Variants in DOCK3 observed in about 807,000 individuals in gnomAD.
DOCK3 encodes the protein dedicator of cytokinesis 3, also known as dedicator of cytokinesis protein 3.
A neutral mutation model predicts 265.6 loss-of-function variants in DOCK3; 60 were observed. That is an observed-to-expected ratio of 0.23 (90% CI 0.18 to 0.28). The LOEUF is 0.28. Among genes scored for constraint, DOCK3 ranks in the 10% least tolerant of loss-of-function variants. DOCK3 has a pLI of 1.00. For missense variants in DOCK3, 1,981 were observed against 2,594.3 expected (o/e 0.76, Z 5.14); for synonymous variants, 881 against 938.0 (o/e 0.94, Z 1.11).
In DOCK3 at chr3:51,146,647, T is replaced by G. The variant is rs773125906; in HGVS notation, c.828+17T>G. 1.3e-6 allele frequency: 2 copies of G among 1,563,576 alleles called. No homozygotes were observed. The highest frequency in any genetic ancestry group is 2.7e-5 in the African/African-American group (2 of 73,836). ...CTTTTTACAGTATGTACGAATTCTCTTTTTCTTCTTTGCTGTTGACTCTAA... is the reference window on the plus strand; with the variant it reads ...CTTTTTACAGTATGTACGAATTCTCGTTTTCTTCTTTGCTGTTGACTCTAA... On this transcript the variant is annotated intron_variant, in intron 10 of 52. Coordinates refer to ENST00000266037, the MANE Select transcript of DOCK3 (RefSeq NM_004947.5).
intron 22 of DOCK3, among the ~76,000 whole-genome samples, chr3:51,252,306 G>A (rs1369715246): frequency 6.6e-6 from 1 of 152,208 alleles, no homozygotes; most frequent in East Asian, 1.9e-4. Flanking sequence ...GATGCCTCCA[G>A]CTTTGTTCTT....
chr3:50,731,730 G>T (rs2038226561), intron 1 of DOCK3, among the ~76,000 whole-genome samples: 1 of 152,034 alleles, frequency 6.6e-6, no homozygotes, highest in African/African-American at 2.4e-5. Flanking sequence ...TCTAATAAGG[G>T]CATCTCTGAA....
Position 51,205,519 on chromosome 3 carries a change from C to A in DOCK3, c.1038-3255C>A, listed in dbSNP as rs948180102. Among the ~76,000 whole-genome samples the A allele has an allele frequency of 6.6e-5, 10 of 150,712 alleles. 2 individuals carry two copies. On this transcript the variant is annotated intron_variant, in intron 12 of 52. Transcript: ENST00000266037. ...GACCAGCCTGGGCAACATGGTGAAA[C>A]CTTATCTCTACAAAAAAAAAAAAAA...
At chr3:50,764,274 G>A (rs936727747) in intron 1 of DOCK3, among the ~76,000 whole-genome samples, 9 of 151,902 alleles carry the variant, frequency 5.9e-5, no homozygotes, top group Admixed American at 4.6e-4. Context: ...TATACAATTG[G>A]CCCTTCATAC....
chr3:51,069,528 G>T (rs1376825678), intron 6 of DOCK3, among the ~76,000 whole-genome samples: 1 of 151,534 alleles, frequency 6.6e-6, no homozygotes, highest in Non-Finnish European at 1.5e-5. Context: ...TCATACATAT[G>T]TGTGTGTATA....
chr3:51,124,331 G>C (rs1201596023), intron 9 of DOCK3, among the ~76,000 whole-genome samples: 1 of 152,116 alleles, frequency 6.6e-6, no homozygotes, highest in East Asian at 1.9e-4. Flanking sequence ...TCTATATATG[G>C]GGGGCATTAT....
intron 2 of DOCK3, among the ~76,000 whole-genome samples, chr3:50,830,583 G>C (rs2045082052): frequency 6.6e-6 from 1 of 152,096 alleles, no homozygotes; most frequent in African/African-American, 2.4e-5. Flanking sequence ...TTTGCACCTG[G>C]AATCTTTGTA....
chr3:50,953,421 A>C (rs925912410), intron 5 of DOCK3, among the ~76,000 whole-genome samples: 2 of 152,122 alleles, frequency 1.3e-5, no homozygotes, highest in African/African-American at 4.8e-5. Context: ...ACCATAGAAG[A>C]CTATTGTGAA....
At chr3:51,201,092 G>C (rs1288632772) in intron 12 of DOCK3, among the ~76,000 whole-genome samples, 1 of 151,528 alleles carries the variant, frequency 6.6e-6, no homozygotes, top group South Asian at 2.1e-4. Context: ...AAAGACCATC[G>C]AGACTAGGAA....
At chr3:50,950,958 ATCTCTC>A (rs35552377) in intron 5 of DOCK3, among the ~76,000 whole-genome samples, 1 of 149,882 alleles carries the variant, frequency 6.7e-6, no homozygotes, top group Non-Finnish European at 1.5e-5. Flanking sequence ...AACGGAGGGA[ATCTCTC>A]TCTCTCTCTC....
chr3:51,240,098 CT>C (rs1265345587), intron 21 of DOCK3, among the ~76,000 whole-genome samples: 1 of 152,136 alleles, frequency 6.6e-6, no homozygotes, highest in East Asian at 1.9e-4. Flanking sequence ...ATAAATTTCC[CT>C]CTTAACAATG....
intron 9 of DOCK3, among the ~76,000 whole-genome samples, chr3:51,106,062 G>A (rs1482929312): frequency 6.6e-6 from 1 of 152,202 alleles, no homozygotes; most frequent in Non-Finnish European, 1.5e-5. Context: ...TTTGGTGTGG[G>A]AGCATCTGTA....
At chr3:51,090,453 A>C (rs1449789877) in intron 9 of DOCK3, 69 bp downstream of exon 9, 1 of 1,451,324 alleles carries the variant, frequency 6.9e-7, no homozygotes, top group Admixed American at 2.4e-5. Context: ...ATCTCTGGCC[A>C]TCAGAGAAGA....
chr3:51,109,693 TCCAGAGGTCCAGGTGGA>T (rs2083433939), intron 9 of DOCK3, among the ~76,000 whole-genome samples: 1 of 151,974 alleles, frequency 6.6e-6, no homozygotes, highest in African/African-American at 2.4e-5. Flanking sequence ...GGAGGCCAAG[TCCAGAGGTCCAGGTGGA>T]CCACTGGAAC....
chr3:50,879,864 C>G (rs1244786544), intron 3 of DOCK3, among the ~76,000 whole-genome samples: 1 of 152,106 alleles, frequency 6.6e-6, no homozygotes, highest in Non-Finnish European at 1.5e-5. Context: ...ATTCCAAAAT[C>G]AACAACATAG....
intron 4 of DOCK3, among the ~76,000 whole-genome samples, chr3:50,923,716 T>C (rs1559820759): frequency 6.6e-6 from 1 of 152,174 alleles, no homozygotes; most frequent in Non-Finnish European, 1.5e-5. Flanking sequence ...GTCACAGAAA[T>C]TAATTTGTGT....
chr3:51,225,910 T>C, intron 15 of DOCK3, 137 bp downstream of exon 15: 1 of 1,165,896 alleles, frequency 8.6e-7, no homozygotes, highest in South Asian at 1.7e-5. Flanking sequence ...TTTTCTTTCT[T>C]GAAGAAAACT....
At chr3:51,278,305 G>A in intron 26 of DOCK3, 2 of 985,378 alleles carry the variant, frequency 2.0e-6, no homozygotes, top group Non-Finnish European at 2.4e-6. Flanking sequence ...AACAAACTGG[G>A]AAGGCTTCTC....
At chr3:51,344,743 G>T (rs1304804020) in intron 38 of DOCK3, among the ~76,000 whole-genome samples, 5 of 152,210 alleles carry the variant, frequency 3.3e-5, no homozygotes, top group Non-Finnish European at 7.3e-5. Flanking sequence ...AAAAGATGTG[G>T]ATGGGGATGC....
Sources: gnomAD v4.1 joint callset for allele counts (sites outside exome capture counted in the v4.1 genomes callset) on GRCh38, gnomAD v4.1.1 for gene constraint, MANE v1.5 for transcripts, NCBI Gene and HGNC (gene_info 2026-07-23, HGNC 2026-07-21) for gene names.